Variants in PRELP observed in about 807,000 individuals in gnomAD.
PRELP encodes prolargin.
A neutral mutation model predicts 22.8 loss-of-function variants in PRELP; 16 were observed. The observed-to-expected ratio is 0.70, with a 90% CI of 0.47 to 1.06. The LOEUF (loss-of-function observed/expected upper bound fraction) is 1.06. Among genes scored for constraint, PRELP ranks in the 50% least tolerant of loss-of-function variants. PRELP has a pLI of 0.00. For synonymous variants in PRELP, 233 were observed against 211.4 expected (o/e 1.10, Z -0.89); for missense variants, 434 against 485.2 (o/e 0.89, Z 0.99).
intron 2 of PRELP, among the ~76,000 whole-genome samples, chr1:203,485,197 T>G (rs1009136704): frequency 2.6e-5 from 4 of 151,462 alleles, no homozygotes; most frequent in African/African-American, 9.7e-5. Flanking sequence ...GGGAAGACTG[T>G]ATAATTTTAC....
In PRELP at chr1:203,487,591, C is replaced by G. The variant is rs1252634904; in HGVS notation, c.*710C>G. The G allele has an allele frequency of 6.5e-6, 1 of 152,804 alleles. No individual in the cohort carries two copies. Among genetic ancestry groups the G allele is most frequent in the Non-Finnish European group, 1.5e-5 (1 of 68,178 alleles). 9.5% of individuals were successfully genotyped at this position (152,804 alleles called of 1,614,324 possible). On this transcript the variant is annotated 3_prime_UTR_variant, in exon 3 of 3. Coordinates refer to ENST00000343110, the MANE Select transcript of PRELP (RefSeq NM_002725.4). The stretch of plus-strand genomic sequence containing the variant: ...CCTCCTGGCTGGGCCTCAGGAGGAA[C>G]AGCCAAGGAGAAGAATGGCCCAAGG...
rs58787817 is a variant in PRELP at position 203,482,591 on chromosome 1, CTTTTT to C, written c.-16-558_-16-554del. On this transcript the variant is annotated intron_variant, in intron 1 of 2. Transcript: ENST00000343110. The stretch of plus-strand genomic sequence containing the variant: ...CACTGTCCCACCAGCCCCAATGTGC[CTTTTT>C]TTTTTTTTTTTTTTTTTTTGAGATG... Among the ~76,000 whole-genome samples, 477 of 51,030 alleles carry C rather than the reference CTTTTT, an allele frequency of 9.3e-3. 2 individuals are homozygous for C. Among genetic ancestry groups the C allele is most frequent in the African/African-American group, 0.039 (456 of 11,656 alleles). The allele number at this position is 51,030 out of a possible 152,430, so 33.5% of individuals were successfully genotyped here. A position where few individuals can be genotyped will look rare whatever the true frequency, so the allele number is the denominator to read the frequency against.
At chr1:203,481,740 T>A (rs960913943) in intron 1 of PRELP, among the ~76,000 whole-genome samples, 4 of 152,204 alleles carry the variant, frequency 2.6e-5, no homozygotes, top group Non-Finnish European at 5.9e-5. Flanking sequence ...AGTTTGCTTA[T>A]GTGCATGGGA....
intron 1 of PRELP, among the ~76,000 whole-genome samples, chr1:203,477,698 AG>A (rs1485582596): frequency 6.6e-6 from 1 of 152,098 alleles, no homozygotes; most frequent in African/African-American, 2.4e-5. Context: ...TGGGCATGTG[AG>A]TGAAGCATTT....
At position 203,487,478 on chromosome 1, in the gene PRELP, G is replaced by C. The variant is rs529281509; in HGVS notation, c.*597G>C. 6 of 153,324 alleles carry C rather than the reference G, an allele frequency of 3.9e-5. No individual in the cohort carries two copies. In the East Asian group the frequency reaches 9.6e-4, roughly 25 times the overall value. The allele number at this position is 153,324 out of a possible 1,614,324, so 9.5% of individuals were successfully genotyped here. A position where few individuals can be genotyped will look rare whatever the true frequency, so the allele number is the denominator to read the frequency against. On this transcript the variant is annotated 3_prime_UTR_variant, in exon 3 of 3. Coordinates refer to ENST00000343110, the MANE Select transcript of PRELP (RefSeq NM_002725.4). ...ATGACGGAGGTAGGGTGCAGGGTCA[G>C]GGCTCCCGCAGGGGCCTGCATCTGG...
In PRELP at chr1:203,486,969, CT is replaced by C. The variant is rs1661104665; in HGVS notation, c.*91del. The C allele has an allele frequency of 3.6e-6, 5 of 1,374,322 alleles. No homozygotes were observed. Among genetic ancestry groups the C allele is most frequent in the Middle Eastern group, 2.4e-4 (1 of 4,142 alleles). The allele number at this position is 1,374,322 out of a possible 1,614,324, so 85.1% of individuals were successfully genotyped here. On this transcript the variant is annotated 3_prime_UTR_variant, in exon 3 of 3. Coordinates refer to ENST00000343110, the MANE Select transcript of PRELP (RefSeq NM_002725.4). ...CCGGCCATTCGTTTTCTCTCTCTCC[CT>C]TTCTTTCTCCCAGCTTTGCCTCCCT...
chr1:203,483,306 G>A lies in PRELP; in HGVS notation c.122G>A (p.Arg41Lys). Residue 41 changes from arginine (R) to lysine (K), a missense_variant, in exon 2 of 3, where the codon AGG becomes AAG. Arg to Lys is a conservative substitution (Grantham distance 26, BLOSUM62 2). Coordinates refer to ENST00000343110, the MANE Select transcript of PRELP (RefSeq NM_002725.4). The surrounding 1 kb of genome is among the most constrained non-coding windows in gnomAD (Gnocchi z 4.4). ...GGGCGCAGACCCAGGCCCAGGCCCA[G>A]GCCCACACCCAGCTTTCCTCAGCCT... The part of the protein sequence containing the change: ...GPGRRPRPRP[R>K]PTPSFPQPDE... 6.2e-7 allele frequency: 1 copy of A among 1,614,006 alleles called. No individual in the cohort carries two copies. Among genetic ancestry groups the A allele is most frequent in the Non-Finnish European group, 8.5e-7 (1 of 1,179,980 alleles).
chr1:203,484,181 G>GC, intron 2 of PRELP, 24 bp downstream of exon 2: 3 of 1,511,606 alleles, frequency 2.0e-6, no homozygotes, highest in Non-Finnish European at 1.8e-6. Context: ...GCCGGGGCGG[G>GC]GCCGAAGGCA....
At position 203,483,634 on chromosome 1, in the gene PRELP, C is replaced by A. The variant is rs200569548; in HGVS notation, c.450C>A (p.Pro150=). ...KIDQRVLEKL[P]GLVFLYMEKN... is the part of the protein sequence containing the mutation. The stretch of plus-strand genomic sequence containing the variant: ...ACCAGAGGGTGCTGGAGAAACTGCC[C>A]GGCCTGGTGTTCCTCTACATGGAGA... Residue 150 remains proline (P), a synonymous_variant, in exon 2 of 3, where the codon CCC becomes CCA. Coordinates refer to ENST00000343110, the MANE Select transcript of PRELP (RefSeq NM_002725.4). The surrounding 1 kb of genome is among the most constrained non-coding windows in gnomAD (Gnocchi z 4.4). 9.3e-6 allele frequency: 15 copies of A among 1,614,208 alleles called. No homozygotes were observed. The highest frequency in any genetic ancestry group is 1.6e-4 in the Middle Eastern group (1 of 6,062).
rs1661120638 is a variant in PRELP at position 203,487,797 on chromosome 1, G to T, written c.*916G>T. The T allele has an allele frequency of 6.6e-6, 1 of 152,248 alleles. No individual in the cohort carries two copies. Among genetic ancestry groups the T allele is most frequent in the African/African-American group, 2.4e-5 (1 of 41,472 alleles). The allele number at this position is 152,248 out of a possible 1,614,324, so 9.4% of individuals were successfully genotyped here. ...CCCCCGCCATCTGTTCTCCATCAGT[G>T]TGCGCGGCCCAGCCATTTCCACCCT... On this transcript the variant is annotated 3_prime_UTR_variant, in exon 3 of 3. Transcript: ENST00000343110.
chr1:203,486,863 G>T lies in PRELP; in HGVS notation c.1131G>T (p.Leu377=), dbSNP rs1661102392. Residue 377 remains leucine, a synonymous_variant, in exon 3 of 3, where the codon CTG becomes CTT. Coordinates refer to ENST00000343110, the MANE Select transcript of PRELP (RefSeq NM_002725.4). ...ACCTCATGATGTGCTTCCGCCTCCT[G>T]CAGTCCGTGGTCATCTAGGCCCTAC... ...PLDLMMCFRL[L]QSVVI is the part of the protein sequence containing the mutation. 2 of 1,613,808 alleles carry T rather than the reference G, an allele frequency of 1.2e-6. No homozygotes were observed. Among genetic ancestry groups the T allele is most frequent in the Admixed American group, 3.3e-5 (2 of 59,984 alleles).
chr1:203,479,942 T>C (rs1048544352), intron 1 of PRELP, among the ~76,000 whole-genome samples: 2 of 151,930 alleles, frequency 1.3e-5, no homozygotes, highest in Non-Finnish European at 2.9e-5. Flanking sequence ...AAATTAGAAT[T>C]TAAAACTCTC....
intron 1 of PRELP, among the ~76,000 whole-genome samples, chr1:203,482,884 C>A (rs561618599): frequency 6.6e-6 from 1 of 152,124 alleles, no homozygotes; most frequent in Non-Finnish European, 1.5e-5. Flanking sequence ...GTGTGAGCCA[C>A]CGCACCTGGC....
At position 203,489,600 on chromosome 1, in the gene PRELP, A is replaced by C. The variant is rs1661156147; in HGVS notation, c.*2719A>C. 1 of 152,258 alleles carries C rather than the reference A, an allele frequency of 6.6e-6. No homozygotes were observed. The highest frequency in any genetic ancestry group is 2.1e-4 in the South Asian group (1 of 4,834). The allele number at this position is 152,258 out of a possible 1,614,324, so 9.4% of individuals were successfully genotyped here. On this transcript the variant is annotated 3_prime_UTR_variant, in exon 3 of 3. Coordinates refer to ENST00000343110, the MANE Select transcript of PRELP (RefSeq NM_002725.4). ...ACACACTTCACAGTACAGGAAATAAAGTAATATGAAAAACACCCTGCGTGA... is the reference window on the plus strand; with the variant it reads ...ACACACTTCACAGTACAGGAAATAACGTAATATGAAAAACACCCTGCGTGA...
At chr1:203,476,264 GA>G (rs1660909794) in intron 1 of PRELP, among the ~76,000 whole-genome samples, 2 of 152,194 alleles carry the variant, frequency 1.3e-5, no homozygotes, top group Non-Finnish European at 2.9e-5. Flanking sequence ...CTGGACTCCA[GA>G]ACCCATTTCT....
In PRELP at chr1:203,486,804, G is replaced by C; in HGVS notation, c.1072G>C (p.Asp358His). Reference protein sequence around the residue: ...NVPHLRYLRLDGNYLKPPIPL... With the variant: ...NVPHLRYLRLHGNYLKPPIPL... ...GCCACACCTGCGCTACCTGCGGCTGGATGGAAACTACTTGAAGCCGCCCAT... is the reference window on the plus strand; with the variant it reads ...GCCACACCTGCGCTACCTGCGGCTGCATGGAAACTACTTGAAGCCGCCCAT... Residue 358 changes from aspartate to histidine, a missense_variant, in exon 3 of 3, where the codon GAT becomes CAT. Physicochemically the swap from Asp to His is moderately conservative, Grantham distance 81. Transcript: ENST00000343110. The C allele has an allele frequency of 6.2e-7, 1 of 1,614,198 alleles. No individual in the cohort carries two copies. Among genetic ancestry groups the C allele is most frequent in the Non-Finnish European group, 8.5e-7 (1 of 1,180,032 alleles).
At chr1:203,482,196 G>A (rs1162319574) in intron 1 of PRELP, among the ~76,000 whole-genome samples, 1 of 152,106 alleles carries the variant, frequency 6.6e-6, no homozygotes, top group East Asian at 1.9e-4. Context: ...GCTGTGAATG[G>A]GAGGACTGAG....
intron 1 of PRELP, among the ~76,000 whole-genome samples, chr1:203,479,388 AG>A (rs2102205522): frequency 6.6e-6 from 1 of 152,286 alleles, no homozygotes; most frequent in East Asian, 1.9e-4. Flanking sequence ...GAGATAGGGA[AG>A]GGGGCTATCT....
rs1661178205 is a variant in PRELP, at chr1:203,490,796, C to T, written c.*3915C>T. Reference sequence around the variant, plus strand: ...TCGCTGCTCCTACCTGGCTACTAAACATCGACTTCGGTTCACTTCACGGAT... The same window carrying T: ...TCGCTGCTCCTACCTGGCTACTAAATATCGACTTCGGTTCACTTCACGGAT... On this transcript the variant is annotated 3_prime_UTR_variant, in exon 3 of 3. Transcript: ENST00000343110. The T allele has an allele frequency of 6.6e-6, 1 of 152,238 alleles. No homozygotes were observed. The highest frequency in any genetic ancestry group is 1.5e-5 in the Non-Finnish European group (1 of 68,050). The allele number at this position is 152,238 out of a possible 1,614,324, so 9.4% of individuals were successfully genotyped here. A position where few individuals can be genotyped will look rare whatever the true frequency, so the allele number is the denominator to read the frequency against.
Sources: gnomAD v4.1 joint callset for allele counts (sites outside exome capture counted in the v4.1 genomes callset) on GRCh38, gnomAD v4.1.1 for gene constraint, Gnocchi (gnomAD v3.1) non-coding constraint, MANE v1.5 for transcripts, NCBI Gene and HGNC (gene_info 2026-07-23, HGNC 2026-07-21) for gene names.